The following NKAIN2 variants were observed in gnomAD, a reference collection of about 807,000 sequenced individuals.
NKAIN2 encodes sodium/potassium transporting ATPase interacting 2, also known as sodium/potassium-transporting ATPase subunit beta-1-interacting protein 2.
A neutral mutation model predicts 32.6 loss-of-function variants in NKAIN2; 14 were observed. That is an observed-to-expected ratio of 0.43 (90% CI 0.28 to 0.67). The LOEUF (loss-of-function observed/expected upper bound fraction) is 0.67, where lower values mean the gene tolerates loss of function less well. Ranked by LOEUF, NKAIN2 falls within the 30% of genes least tolerant of loss-of-function variation. The pLI is 0.17. For synonymous variants in NKAIN2, 80 were observed against 87.2 expected (o/e 0.92, Z 0.46); for missense variants, 198 against 258.3 (o/e 0.77, Z 1.60).
intron 1 of NKAIN2, among the ~76,000 whole-genome samples, chr6:123,915,081 A>G (rs1012819722): frequency 1.3e-5 from 2 of 152,188 alleles, no homozygotes; most frequent in African/African-American, 4.8e-5. Context: ...CAGCTTCTCG[A>G]AGAGGTGTCC....
At chr6:124,476,555 G>T (rs894739378) in intron 3 of NKAIN2, among the ~76,000 whole-genome samples, 1 of 152,070 alleles carries the variant, frequency 6.6e-6, no homozygotes, top group Non-Finnish European at 1.5e-5. Flanking sequence ...CAGACACCAA[G>T]TTTAGAAACC....
chr6:124,413,451 G>A (rs537836383), intron 3 of NKAIN2, among the ~76,000 whole-genome samples: 7 of 152,106 alleles, frequency 4.6e-5, no homozygotes, highest in African/African-American at 1.7e-4. Flanking sequence ...ACGCTGTATT[G>A]ATTTCTGTAA....
At chr6:124,626,790 G>A (rs949160736) in intron 3 of NKAIN2, among the ~76,000 whole-genome samples, 6 of 152,098 alleles carry the variant, frequency 3.9e-5, no homozygotes, top group Non-Finnish European at 7.4e-5. Context: ...AGGGGTAAGT[G>A]GGGGCTTAAA....
At chr6:124,132,848 A>G (rs1786545748) in intron 1 of NKAIN2, among the ~76,000 whole-genome samples, 1 of 152,216 alleles carries the variant, frequency 6.6e-6, no homozygotes, top group Non-Finnish European at 1.5e-5. Context: ...TAGGCCTGGA[A>G]GAGCAATAAT....
At chr6:124,168,176 T>G (rs1292791867) in intron 1 of NKAIN2, among the ~76,000 whole-genome samples, 1 of 152,192 alleles carries the variant, frequency 6.6e-6, no homozygotes, top group Non-Finnish European at 1.5e-5. Context: ...AAGTTCATAT[T>G]ACATCATTGT....
At chr6:124,335,302 G>T (rs963333750) in intron 2 of NKAIN2, among the ~76,000 whole-genome samples, 3 of 152,138 alleles carry the variant, frequency 2.0e-5, no homozygotes, top group Admixed American at 6.5e-5. Flanking sequence ...TAATGTGTTT[G>T]CCTAAAACAA....
intron 3 of NKAIN2, among the ~76,000 whole-genome samples, chr6:124,555,272 C>T (rs535609035): frequency 1.4e-4 from 22 of 152,154 alleles, no homozygotes; most frequent in Non-Finnish European, 3.2e-4. Flanking sequence ...CCTCTGCTCC[C>T]AGCTTTCCAC....
intron 1 of NKAIN2, among the ~76,000 whole-genome samples, chr6:123,997,596 T>A (rs1381837010): frequency 7.3e-6 from 1 of 137,314 alleles, no homozygotes; most frequent in African/African-American, 2.9e-5. Context: ...TGGAGTTTAT[T>A]CTTTTTTTTT....
intron 1 of NKAIN2, among the ~76,000 whole-genome samples, chr6:123,971,236 A>G (rs972625232): frequency 1.3e-5 from 2 of 152,122 alleles, no homozygotes; most frequent in Non-Finnish European, 2.9e-5. Flanking sequence ...TCTAGTAGCT[A>G]GATTAGGTTT....
chr6:124,549,922 C>G (rs1231926883), intron 3 of NKAIN2, among the ~76,000 whole-genome samples: 1 of 152,128 alleles, frequency 6.6e-6, no homozygotes, highest in Non-Finnish European at 1.5e-5. Context: ...CCATGAGTCT[C>G]CGTGGTAGAG....
intron 3 of NKAIN2, among the ~76,000 whole-genome samples, chr6:124,365,475 C>A (rs1167919565): frequency 2.0e-5 from 3 of 151,586 alleles, no homozygotes; most frequent in Non-Finnish European, 4.4e-5. Context: ...AAAGGTAAAT[C>A]CACATGAAGA....
At chr6:123,940,037 C>A (rs980490571) in intron 1 of NKAIN2, among the ~76,000 whole-genome samples, 3 of 151,692 alleles carry the variant, frequency 2.0e-5, no homozygotes, top group South Asian at 4.1e-4. Context: ...CATTTATGGG[C>A]CCAGAGTGCT....
intron 3 of NKAIN2, among the ~76,000 whole-genome samples, chr6:124,413,919 A>G (rs1446812827): frequency 6.6e-6 from 1 of 152,158 alleles, no homozygotes; most frequent in Non-Finnish European, 1.5e-5. Context: ...TAGATCCAGA[A>G]GCACTTTTTG....
intron 2 of NKAIN2, among the ~76,000 whole-genome samples, chr6:124,290,560 G>GTA (rs1795761149): frequency 6.7e-6 from 1 of 148,462 alleles, no homozygotes; most frequent in African/African-American, 2.5e-5. Context: ...GTGCGTCTGT[G>GTA]TTGCTAATTG....
chr6:123,977,073 G>A (rs1417174920), intron 1 of NKAIN2, among the ~76,000 whole-genome samples: 13 of 152,168 alleles, frequency 8.5e-5, no homozygotes, highest in Non-Finnish European at 1.6e-4. Flanking sequence ...TTTGGGCTCA[G>A]GTGATCCTCC....
chr6:124,153,827 T>C (rs1451376331), intron 1 of NKAIN2, among the ~76,000 whole-genome samples: 1 of 151,732 alleles, frequency 6.6e-6, no homozygotes, highest in Non-Finnish European at 1.5e-5. Context: ...TTTCTTAAAT[T>C]ATTGCACTGA....
intron 4 of NKAIN2, among the ~76,000 whole-genome samples, chr6:124,726,766 G>A (rs1225235186): frequency 7.0e-6 from 1 of 142,930 alleles, no homozygotes; most frequent in African/African-American, 2.6e-5. Flanking sequence ...TCTGAGCTAT[G>A]GGAGGACATT....
chr6:124,805,386 T>C (rs562605874), intron 5 of NKAIN2, among the ~76,000 whole-genome samples: 189 of 152,306 alleles, frequency 1.2e-3, no homozygotes, highest in Non-Finnish European at 2.1e-4. Flanking sequence ...AAACAGGGTC[T>C]GGAGTGGACC....
chr6:124,140,274 A>T (rs540604488), intron 1 of NKAIN2, among the ~76,000 whole-genome samples: 69 of 152,334 alleles, frequency 4.5e-4, no homozygotes, highest in African/African-American at 1.4e-3. Context: ...AAAATATGTA[A>T]TATGTAGATT....
Sources: gnomAD v4.1 joint callset for allele counts (sites outside exome capture counted in the v4.1 genomes callset) on GRCh38, gnomAD v4.1.1 for gene constraint, MANE v1.5 for transcripts, NCBI Gene and HGNC (gene_info 2026-07-23, HGNC 2026-07-21) for gene names.